The following SAMD5 variants were observed in gnomAD, a reference collection of about 807,000 sequenced individuals.
The protein encoded by SAMD5 is sterile alpha motif domain-containing protein 5.
In SAMD5, 13 loss-of-function variants were observed where a neutral mutation model predicts 11.3. The ratio of observed to expected loss-of-function variants is 1.15; its 90% CI spans 0.75 to 1.83. The LOEUF is 1.83. Among genes scored for constraint, SAMD5 ranks in the 40% most tolerant of loss-of-function variants. SAMD5 has a pLI of 0.00. For synonymous variants in SAMD5, 129 were observed against 111.3 expected (o/e 1.16, Z -1.00); for missense variants, 255 against 239.1 (o/e 1.07, Z -0.44).
chr6:147,930,414 T>G, the SAMD5 span, among the ~76,000 whole-genome samples: 1 of 152,144 alleles, frequency 6.6e-6, no homozygotes, highest in Non-Finnish European at 1.5e-5. Context: ...ATACCGATTT[T>G]CAGTCAGTCT....
chr6:147,941,080 T>A, the SAMD5 span, among the ~76,000 whole-genome samples: 1 of 152,222 alleles, frequency 6.6e-6, no homozygotes, highest in Admixed American at 6.5e-5. Flanking sequence ...GATTGAAACA[T>A]CTTAAAGACT....
At position 147,531,161 on chromosome 6, in the gene SAMD5, T is replaced by G. The variant is rs1228289284; in HGVS notation, c.459+21774T>G. ...AAAAATGATAGTCTTAAAAGTTTTT[T>G]TTTTTTTTTTGTCAATTTTAGAGAT... On this transcript the variant is annotated intron_variant, in intron 1 of 1. Coordinates refer to ENST00000367474, the MANE Select transcript of SAMD5 (RefSeq NM_001030060.3). Among the ~76,000 whole-genome samples, 6 of 152,100 alleles carry G rather than the reference T, an allele frequency of 3.9e-5. No individual in the cohort carries two copies. In the South Asian group the frequency reaches 1.2e-3, roughly 31 times the overall value.
intron 1 of SAMD5, among the ~76,000 whole-genome samples, chr6:147,562,549 G>A (rs1434658701): frequency 2.0e-5 from 3 of 152,202 alleles, no homozygotes; most frequent in East Asian, 1.9e-4. Flanking sequence ...TTGGCCGGGT[G>A]TGGTGGCTCA....
the SAMD5 span, among the ~76,000 whole-genome samples, chr6:147,761,207 T>A: frequency 4.6e-5 from 7 of 152,296 alleles, no homozygotes; most frequent in African/African-American, 1.4e-4. Flanking sequence ...AATTTCAACC[T>A]TAATATTCTT....
chr6:147,652,511 C>T (rs2128453511), intron 1 of SAMD5, among the ~76,000 whole-genome samples: 1 of 152,218 alleles, frequency 6.6e-6, no homozygotes, highest in East Asian at 1.9e-4. Flanking sequence ...AGGAGGCTCC[C>T]TGGTTCAGTA....
chr6:147,822,080 C>G, the SAMD5 span, among the ~76,000 whole-genome samples: 2 of 152,110 alleles, frequency 1.3e-5, no homozygotes, highest in Non-Finnish European at 2.9e-5. Context: ...GGTATGAACA[C>G]CTGTAGACAA....
chr6:147,870,436 GTGTGTGTGTGTGA>G, the SAMD5 span, among the ~76,000 whole-genome samples: 10 of 126,056 alleles, frequency 7.9e-5, no homozygotes, highest in African/African-American at 2.1e-4. Flanking sequence ...CCTTTGGTGT[GTGTGTGTGTGTGA>G]GTGTGTGTGT....
chr6:147,591,380 C>A (rs844570), intron 1 of SAMD5, among the ~76,000 whole-genome samples: 100,310 of 152,008 alleles, frequency 0.66, 33,330 homozygotes, highest in South Asian at 0.74. Flanking sequence ...CGGGACCCTG[C>A]ACCTGCTGGC....
At chr6:147,741,369 A>C (rs1344896966), downstream of SAMD5, 1 of 152,166 alleles carries the variant, frequency 6.6e-6, no homozygotes, top group South Asian at 2.1e-4. Context: ...TAATCATTTA[A>C]AATTTTCTTG....
chr6:147,643,945 G>A (rs1295762076), intron 1 of SAMD5, among the ~76,000 whole-genome samples: 1 of 141,044 alleles, frequency 7.1e-6, no homozygotes, highest in Non-Finnish European at 1.6e-5. Context: ...CTTGCCTGGG[G>A]TTAACTAGTG....
the SAMD5 span, among the ~76,000 whole-genome samples, chr6:147,842,402 G>A: frequency 1.4e-5 from 2 of 140,128 alleles, no homozygotes; most frequent in African/African-American, 5.3e-5. Context: ...GACAAGAAAT[G>A]TATTTCTTTA....
the SAMD5 span, among the ~76,000 whole-genome samples, chr6:147,945,989 C>T: frequency 6.6e-6 from 1 of 152,130 alleles, no homozygotes; most frequent in Non-Finnish European, 1.5e-5. Context: ...AAGCCATGGC[C>T]CTAGGCTGCT....
chr6:147,928,646 C>T, the SAMD5 span, among the ~76,000 whole-genome samples: 38 of 151,594 alleles, frequency 2.5e-4, no homozygotes, highest in African/African-American at 5.3e-4. Flanking sequence ...AATGGTTTTT[C>T]GTATCTCAGT....
chr6:147,781,772 G>GCGCGCGCA, the SAMD5 span, among the ~76,000 whole-genome samples: 2 of 146,354 alleles, frequency 1.4e-5, no homozygotes, highest in African/African-American at 5.0e-5. Flanking sequence ...ATTTGTGTGC[G>GCGCGCGCA]CACACACACA....
intron 1 of SAMD5, among the ~76,000 whole-genome samples, chr6:147,684,881 C>T: frequency 6.6e-6 from 1 of 152,082 alleles, no homozygotes; most frequent in South Asian, 2.1e-4. Context: ...AATAACTTCT[C>T]ATATTGTTGG....
At chr6:147,617,118 G>T (rs1789884424) in intron 1 of SAMD5, among the ~76,000 whole-genome samples, 1 of 152,088 alleles carries the variant, frequency 6.6e-6, no homozygotes, top group African/African-American at 2.4e-5. Context: ...TTTGTTATGT[G>T]AGGGGTATCA....
At position 147,660,482 on chromosome 6, in the gene SAMD5, T is replaced by C. The variant is rs535461199; in HGVS notation, c.163-76835T>C. On this transcript the variant is annotated intron_variant, in intron 1 of 1. Transcript: ENST00000566741. The stretch of plus-strand genomic sequence containing the variant: ...GGTTTGTCACCCCATTATAGTCCTT[T>C]AGGCTTGTTAAAGTTCATGATCTGG... Among the ~76,000 whole-genome samples, 39 of 152,324 alleles carry C rather than the reference T, an allele frequency of 2.6e-4. No individual in the cohort carries two copies. The Middle Eastern group carries it at 0.017, about 66-fold the overall frequency.
the SAMD5 span, among the ~76,000 whole-genome samples, chr6:147,930,224 C>A: frequency 5.9e-5 from 9 of 152,122 alleles, no homozygotes; most frequent in South Asian, 2.1e-4. Context: ...CTCTGCATGG[C>A]CTTTCCTATC....
rs1403841845 is a variant in SAMD5 at position 147,568,132 on chromosome 6, T to G, written c.*3676T>G. ...TTATGACTGATTTACAAATTAGGAG[T>G]GCAAATGGGCTGTTCCCCGATAGCA... On this transcript the variant is annotated 3_prime_UTR_variant, in exon 2 of 2. Coordinates refer to ENST00000367474, the MANE Select transcript of SAMD5 (RefSeq NM_001030060.3). The G allele has an allele frequency of 4.1e-6, 4 of 985,122 alleles. No homozygotes were observed. The highest frequency in any genetic ancestry group is 1.1e-4 in the East Asian group (1 of 8,808). The allele number at this position is 985,122 out of a possible 1,614,324, so 61.0% of individuals were successfully genotyped here.
Sources: gnomAD v4.1 joint callset for allele counts (sites outside exome capture counted in the v4.1 genomes callset) on GRCh38, gnomAD v4.1.1 for gene constraint, MANE v1.5 for transcripts, NCBI Gene and HGNC (gene_info 2026-07-23, HGNC 2026-07-21) for gene names.